RBFOX1: variants seen among roughly 807,000 people sequenced by gnomAD.
The protein encoded by RBFOX1 is RNA binding fox-1 homolog 1.
Under a neutral mutation model 57.7 loss-of-function variants are expected in RBFOX1, and 8 were observed. The observed-to-expected ratio is 0.14, with a 90% CI of 0.08 to 0.25. The LOEUF (loss-of-function observed/expected upper bound fraction) is 0.25. Among genes scored for constraint, RBFOX1 ranks in the 10% least tolerant of loss-of-function variants. The pLI, the probability that RBFOX1 is intolerant of heterozygous loss-of-function variation, is 1.00. For missense variants in RBFOX1, 611 were observed against 548.5 expected, an observed-to-expected ratio of 1.11 and a Z score of -1.14; for synonymous variants, 326 against 222.4, an observed-to-expected ratio of 1.47 and a Z score of -4.15.
At chr16:5,644,418 C>G (rs1168279294) in intron 3 of RBFOX1, among the ~76,000 whole-genome samples, 1 of 152,152 alleles carries the variant, frequency 6.6e-6, no homozygotes, top group African/African-American at 2.4e-5. Flanking sequence ...AAGGAGAATT[C>G]TCTAAGTCTG....
At chr16:5,556,808 G>A (rs78225703) in intron 2 of RBFOX1, among the ~76,000 whole-genome samples, 14 of 152,340 alleles carry the variant, frequency 9.2e-5, no homozygotes, top group Admixed American at 9.1e-4. Context: ...ACATAAGTTT[G>A]AGGCCACAGT....
chr16:7,208,314 G>C (rs1183148200), intron 4 of RBFOX1, among the ~76,000 whole-genome samples: 1 of 152,186 alleles, frequency 6.6e-6, no homozygotes, highest in Non-Finnish European at 1.5e-5. Flanking sequence ...TAGTTCACTT[G>C]TGTTTCAGTA....
At chr16:6,609,956 C>T (rs564286609) in intron 2 of RBFOX1, among the ~76,000 whole-genome samples, 2 of 152,008 alleles carry the variant, frequency 1.3e-5, no homozygotes, top group South Asian at 2.1e-4. Context: ...TGCCGTGAGC[C>T]GAGATCACGC....
chr16:5,959,928 C>T (rs373938410), intron 4 of RBFOX1, among the ~76,000 whole-genome samples: 101 of 152,278 alleles, frequency 6.6e-4, no homozygotes, highest in African/African-American at 2.0e-3. Context: ...AGGCTGGGCG[C>T]GGTGGCTCAC....
At chr16:5,500,033 C>T (rs142066677) in intron 2 of RBFOX1, among the ~76,000 whole-genome samples, 1 of 152,140 alleles carries the variant, frequency 6.6e-6, no homozygotes, top group African/African-American at 2.4e-5. Flanking sequence ...GATCTGTGAT[C>T]CATGCAAACC....
chr16:7,312,653 C>T (rs2096343168), intron 4 of RBFOX1, among the ~76,000 whole-genome samples: 1 of 152,124 alleles, frequency 6.6e-6, no homozygotes, highest in South Asian at 2.1e-4. Flanking sequence ...TATGGCTACA[C>T]AGCTCAATTA....
chr16:6,677,993 G>A (rs755112295), intron 3 of RBFOX1, among the ~76,000 whole-genome samples: 24 of 152,258 alleles, frequency 1.6e-4, no homozygotes, highest in Non-Finnish European at 3.2e-4. Context: ...TATATGTAAT[G>A]TTACATTTTC....
At chr16:7,439,268 C>A (rs2098747064) in intron 4 of RBFOX1, among the ~76,000 whole-genome samples, 1 of 151,966 alleles carries the variant, frequency 6.6e-6, no homozygotes, top group African/African-American at 2.4e-5. Context: ...AGTGGCTCTT[C>A]TTCAGGTGCC....
intron 2 of RBFOX1, among the ~76,000 whole-genome samples, chr16:6,595,466 A>T (rs1056652266): frequency 6.6e-6 from 1 of 152,218 alleles, no homozygotes; most frequent in African/African-American, 2.4e-5. Context: ...TTGGTTGTCA[A>T]ACATTTGGAT....
intron 1 of RBFOX1, among the ~76,000 whole-genome samples, chr16:5,265,008 G>C (rs1017410718): frequency 6.6e-5 from 10 of 151,770 alleles, no homozygotes; most frequent in South Asian, 2.1e-4. Flanking sequence ...TTCTCTGTGT[G>C]TGTGTGTGTG....
intron 1 of RBFOX1, among the ~76,000 whole-genome samples, chr16:5,312,210 G>C (rs1011438863): frequency 1.3e-5 from 2 of 152,216 alleles, no homozygotes; most frequent in African/African-American, 4.8e-5. Context: ...GCTTACTTCG[G>C]GTGAAAGAGG....
intron 4 of RBFOX1, among the ~76,000 whole-genome samples, chr16:5,955,389 A>T (rs1411428585): frequency 2.7e-5 from 2 of 73,296 alleles, no homozygotes; most frequent in Non-Finnish European, 3.0e-5. Context: ...AATAAAATAA[A>T]ATAAAATAAA....
rs142042561 is a variant in RBFOX1 at position 5,994,359 on chromosome 16, G to A, written c.351+127024G>A. Among the ~76,000 whole-genome samples, 1,106 of 152,174 alleles carry A rather than the reference G, an allele frequency of 7.3e-3. 8 individuals carry two copies. The highest frequency in any genetic ancestry group is 0.011 in the Non-Finnish European group (754 of 68,002). ...GTATTTTTAGTAGAGACTGGGTTTC[G>A]CCATATTGGCCAGGCTGGTCTCGAA... On this transcript the variant is annotated intron_variant, in intron 4 of 19. Coordinates refer to the RBFOX1 transcript ENST00000641259.
chr16:6,637,338 C>A (rs186869731), intron 2 of RBFOX1, among the ~76,000 whole-genome samples: 1 of 73,650 alleles, frequency 1.4e-5, no homozygotes. Context: ...ATATAATATA[C>A]AAATATATAT....
At chr16:7,444,884 A>G (rs1014462325) in intron 4 of RBFOX1, among the ~76,000 whole-genome samples, 3 of 152,120 alleles carry the variant, frequency 2.0e-5, no homozygotes, top group African/African-American at 4.8e-5. Context: ...GTGAATGCAG[A>G]TAGATAGACA....
chr16:7,535,313 C>T (rs1424653775), intron 5 of RBFOX1, among the ~76,000 whole-genome samples: 1 of 152,164 alleles, frequency 6.6e-6, no homozygotes, highest in Non-Finnish European at 1.5e-5. Context: ...CTGGAATCTG[C>T]CTTCACGGTC....
intron 14 of RBFOX1, among the ~76,000 whole-genome samples, chr16:7,684,689 A>G (rs928731065): frequency 3.3e-5 from 5 of 151,698 alleles, no homozygotes; most frequent in Non-Finnish European, 5.9e-5. Flanking sequence ...TCATGGTTTC[A>G]ATTTTGTAAT....
chr16:7,298,827 C>T (rs997869264), intron 4 of RBFOX1, among the ~76,000 whole-genome samples: 7 of 152,108 alleles, frequency 4.6e-5, no homozygotes, highest in African/African-American at 7.2e-5. Flanking sequence ...TGTCATTTTA[C>T]ATGAGGTAGG....
At chr16:7,146,736 C>T (rs1427801495) in intron 4 of RBFOX1, among the ~76,000 whole-genome samples, 1 of 151,676 alleles carries the variant, frequency 6.6e-6, no homozygotes, top group Non-Finnish European at 1.5e-5. Context: ...ATCACTTGAG[C>T]CCAGGAGTGT....
Sources: allele counts gnomAD v4.1 joint callset (sites outside exome capture counted in the v4.1 genomes callset), GRCh38; gene constraint gnomAD v4.1.1; transcripts MANE v1.5; gene names NCBI Gene and HGNC (gene_info 2026-07-23, HGNC 2026-07-21).